The following TLE6 variants were observed in gnomAD, a reference collection of about 807,000 sequenced individuals.
TLE6 encodes TLE family member 6, subcortical maternal complex member, also known as transducin-like enhancer protein 6.
In TLE6, 72 loss-of-function variants were observed where a neutral mutation model predicts 77.1. The ratio of observed to expected loss-of-function variants is 0.93; its 90% CI spans 0.77 to 1.14. The LOEUF (loss-of-function observed/expected upper bound fraction) is 1.14, where lower values mean the gene tolerates loss of function less well. Ranked by LOEUF, TLE6 falls within the 50% of genes most tolerant of loss-of-function variation. TLE6 has a pLI of 0.00. For missense variants in TLE6, 843 were observed against 747.6 expected, an observed-to-expected ratio of 1.13 and a Z score of -1.49; for synonymous variants, 366 against 287.3, an observed-to-expected ratio of 1.27 and a Z score of -2.77.
At chr19:2,993,998 C>T (rs1458718396) in intron 15 of TLE6, 21 bp from the exon 16 acceptor site, 2 of 1,590,282 alleles carry the variant, frequency 1.3e-6, no homozygotes, top group South Asian at 1.1e-5. Flanking sequence ...CTAAGTCTCG[C>T]TGATGCTCCA....
chr19:2,990,323 C>T (rs931327733), intron 13 of TLE6, among the ~76,000 whole-genome samples: 4 of 151,306 alleles, frequency 2.6e-5, no homozygotes, highest in Non-Finnish European at 2.9e-5. Context: ...TATAAATTGG[C>T]CGGGCGCAGT....
At chr19:2,985,119 G>A (rs1366873120) in intron 5 of TLE6, among the ~76,000 whole-genome samples, 2 of 151,644 alleles carry the variant, frequency 1.3e-5, no homozygotes, top group African/African-American at 4.8e-5. Context: ...GCATGGTGGC[G>A]GGTGCCTGTA....
chr19:2,980,611 C>T (rs1014010824), intron 3 of TLE6, among the ~76,000 whole-genome samples: 4 of 151,646 alleles, frequency 2.6e-5, no homozygotes, highest in Non-Finnish European at 5.9e-5. Context: ...TGGTGGGTGC[C>T]TGTAATCCCA....
intron 2 of TLE6, 115 bp downstream of exon 2, chr19:2,978,399 C>T (rs2145008895): frequency 9.9e-7 from 1 of 1,009,688 alleles, no homozygotes; most frequent in Non-Finnish European, 1.5e-6. Flanking sequence ...CAGCTGAAGA[C>T]AATACTGGTC....
At chr19:2,992,576 G>C (rs1272050785) in intron 14 of TLE6, among the ~76,000 whole-genome samples, 1 of 151,964 alleles carries the variant, frequency 6.6e-6, no homozygotes, top group Non-Finnish European at 1.5e-5. Context: ...TTTGAGACCA[G>C]CCTGGGCAAC....
chr19:2,994,919 T>C lies in TLE6; in HGVS notation c.1634T>C (p.Val545Ala). The C allele has an allele frequency of 6.2e-7, 1 of 1,602,236 alleles. No homozygotes were observed. The highest frequency in any genetic ancestry group is 2.2e-5 in the East Asian group (1 of 44,700). Residue 545 changes from valine (V) to alanine (A), a missense_variant, in exon 17 of 17, where the codon GTC (valine) becomes GCC (alanine). By Grantham distance (64) the Val-to-Ala change is moderately conservative. Coordinates refer to ENST00000246112, the MANE Select transcript of TLE6 (RefSeq NM_001143986.2). ...CTCCAGGTGCCTGAGATGTCTCCAGTCACGTGCTGTGACGTCTCTTCCAAC... is the reference window on the plus strand; with the variant it reads ...CTCCAGGTGCCTGAGATGTCTCCAGCCACGTGCTGTGACGTCTCTTCCAAC... ...KVFEVPEMSP[V>A]TCCDVSSNNR...
chr19:2,994,059 CGTCTACAGCA>C lies in TLE6; in HGVS notation c.1579_1588del (p.Val527CysfsTer?), dbSNP rs1568221530. On this transcript the variant is annotated frameshift_variant, in exon 16 of 17. Coordinates refer to ENST00000246112, the MANE Select transcript of TLE6 (RefSeq NM_001143986.2). LOFTEE classifies it low-confidence loss of function (END_TRUNC). The stretch of plus-strand genomic sequence containing the variant: ...GCGTTGGAATGGACGACTTCCTTGG[CGTCTACAGCA>C]TGCCGGCGGGGACAAAAGTGTTCGA... The C allele has an allele frequency of 6.2e-7, 1 of 1,608,460 alleles. No individual in the cohort carries two copies.
chr19:2,980,808 T>G (rs945638854), intron 3 of TLE6, among the ~76,000 whole-genome samples: 1 of 151,388 alleles, frequency 6.6e-6, no homozygotes, highest in Admixed American at 6.6e-5. Flanking sequence ...CCCAGCACTT[T>G]GGGAGGCAGA....
At chr19:2,989,488 A>G (rs768821384) in intron 12 of TLE6, 47 bp from the exon 13 acceptor site, 1 of 1,587,574 alleles carries the variant, frequency 6.3e-7, no homozygotes, top group African/African-American at 1.3e-5. Context: ...CAGTCCAGGC[A>G]GAATGCCACG....
At chr19:2,991,406 A>G (rs948119254) in intron 13 of TLE6, among the ~76,000 whole-genome samples, 4 of 148,348 alleles carry the variant, frequency 2.7e-5, no homozygotes, top group Non-Finnish European at 4.5e-5. Context: ...ACACACACAC[A>G]CACACACACA....
At chr19:2,990,674 TA>T (rs1387360304) in intron 13 of TLE6, among the ~76,000 whole-genome samples, 3 of 81,816 alleles carry the variant, frequency 3.7e-5, no homozygotes, top group African/African-American at 1.9e-4. Context: ...TATACATAAA[TA>T]TATACATAAA....
At position 2,989,769 on chromosome 19, in the gene TLE6, G is replaced by C; in HGVS notation, c.1228G>C (p.Asp410His). 1 of 1,614,042 alleles carries C rather than the reference G, an allele frequency of 6.2e-7. No homozygotes were observed. The highest frequency in any genetic ancestry group is 8.5e-7 in the Non-Finnish European group (1 of 1,179,938). Residue 410 changes from aspartate to histidine, a missense_variant, in exon 13 of 17, where the codon GAT becomes CAT. Asp to His is a moderately conservative substitution (Grantham distance 81). Transcript: ENST00000246112. ...TGTGGTCAGGATCTGGGACCTGCGG[G>C]ATCAGAGTGTGGTCAGGTGCGTTTG... ...SGVVRIWDLR[D>H]QSVVRDLKGY...
At chr19:2,979,869 C>G (rs2088759849) in intron 2 of TLE6, among the ~76,000 whole-genome samples, 1 of 148,436 alleles carries the variant, frequency 6.7e-6, no homozygotes, top group African/African-American at 2.5e-5. Flanking sequence ...GAGGCTGAGG[C>G]AGGAGAATCG....
At chr19:2,988,888 A>G (rs901988131) in intron 11 of TLE6, 173 bp from the exon 12 acceptor site, 6 of 952,490 alleles carry the variant, frequency 6.3e-6, no homozygotes, top group Non-Finnish European at 7.7e-6. Flanking sequence ...GCAAAGGGAC[A>G]ATACTTGAAG....
At chr19:2,994,465 T>C (rs991136872) in intron 16 of TLE6, among the ~76,000 whole-genome samples, 8 of 151,786 alleles carry the variant, frequency 5.3e-5, no homozygotes, top group African/African-American at 1.7e-4. Context: ...AAAAAATTAG[T>C]TGGGCGTGGT....
chr19:2,984,976 T>A (rs1188955141), intron 5 of TLE6, among the ~76,000 whole-genome samples: 1 of 151,926 alleles, frequency 6.6e-6, no homozygotes, highest in Non-Finnish European at 1.5e-5. Flanking sequence ...CCAGACTGGG[T>A]GAGGTGGCTC....
At position 2,987,601 on chromosome 19, in the gene TLE6, G is replaced by A. The variant is rs1226353099; in HGVS notation, c.559-123G>A. 62 of 1,232,880 alleles carry A rather than the reference G, an allele frequency of 5.0e-5. No individual in the cohort carries two copies. In the South Asian group the frequency reaches 7.7e-4, roughly 15 times the overall value. 76.4% of individuals were successfully genotyped at this position (1,232,880 alleles called of 1,614,324 possible). On this transcript the variant is annotated intron_variant, in intron 8 of 16. Transcript: ENST00000246112. ...ACCCTGACTCTCTCTCTGCAACTCT[G>A]CCTGGACCCGCAGACAGGACCCCAG...
chr19:2,993,026 TAAAAAAAAA>T (rs377287142), intron 14 of TLE6, among the ~76,000 whole-genome samples: 6 of 48,340 alleles, frequency 1.2e-4, no homozygotes, highest in Non-Finnish European at 2.4e-4. Context: ...CCGTCTCTAC[TAAAAAAAAA>T]AAAAAAAAAA....
At chr19:2,984,816 CTATATT>C (rs1354923437) in intron 5 of TLE6, among the ~76,000 whole-genome samples, 1 of 151,862 alleles carries the variant, frequency 6.6e-6, no homozygotes. Context: ...ATATGCATGA[CTATATT>C]TATGTATTAT....
Sources: allele counts gnomAD v4.1 joint callset (sites outside exome capture counted in the v4.1 genomes callset), GRCh38; gene constraint gnomAD v4.1.1; transcripts MANE v1.5; gene names NCBI Gene and HGNC (gene_info 2026-07-23, HGNC 2026-07-21).